The following IFFO2 variants were observed in gnomAD, a reference collection of about 807,000 sequenced individuals.
IFFO2 encodes intermediate filament family orphan 2.
A neutral mutation model predicts 53.5 loss-of-function variants in IFFO2; 19 were observed. The ratio of observed to expected loss-of-function variants is 0.36; its 90% confidence interval spans 0.25 to 0.52. IFFO2 has a LOEUF of 0.52. IFFO2 is among the 20% of genes least tolerant of loss of function. The pLI, the probability that IFFO2 is intolerant of heterozygous loss-of-function variation, is 0.94. For synonymous variants in IFFO2, 303 were observed against 313.6 expected (o/e 0.97, Z 0.36); for missense variants, 570 against 727.4 (o/e 0.78, Z 2.49).
intron 1 of IFFO2, among the ~76,000 whole-genome samples, chr1:18,944,383 G>T (rs1169120071): frequency 6.6e-6 from 1 of 152,142 alleles, no homozygotes; most frequent in Non-Finnish European, 1.5e-5. Context: ...GCGATCGGGG[G>T]CCGGGGCGGG....
intron 1 of IFFO2, among the ~76,000 whole-genome samples, chr1:18,950,210 G>A (rs892117646): frequency 3.9e-5 from 6 of 152,208 alleles, no homozygotes; most frequent in African/African-American, 9.7e-5. Context: ...AGAAGCAGCC[G>A]TTCTCCCTCC....
rs1936334168 is a variant in IFFO2 at position 18,928,646 on chromosome 1, C to T, written c.666-7525G>A. Among the ~76,000 whole-genome samples, 1 of 152,214 alleles carries T rather than the reference C, an allele frequency of 6.6e-6. No homozygotes were observed. The highest frequency in any genetic ancestry group is 1.5e-5 in the Non-Finnish European group (1 of 68,036). On this transcript the variant is annotated intron_variant, in intron 1 of 8. Transcript: ENST00000455833. This position sits in a 1 kb window ranked among gnomAD's most constrained non-coding sequence, Gnocchi z 4.9. ...GGGGAGAGGCAGAGGGGTCTGACAT[C>T]CATAGGGAAGTTCCCTGTGGAAGAG... is the stretch of plus-strand genomic sequence containing the variant.
rs911455789 is a variant in IFFO2 at position 18,919,238 on chromosome 1, C to T, written c.822+440G>A. On this transcript the variant is annotated intron_variant, in intron 3 of 8. Transcript: ENST00000455833. The surrounding 1 kb of genome is among the most constrained non-coding windows in gnomAD (Gnocchi z 4.9). Reference sequence around the variant, plus strand: ...CAAAAAGACACGCGCACTGGCCTTTCCTGACCTCATGGAGCAACCCTGCCA... The same window carrying T: ...CAAAAAGACACGCGCACTGGCCTTTTCTGACCTCATGGAGCAACCCTGCCA... 6.6e-6 allele frequency among the ~76,000 whole-genome samples: 1 copy of T among 152,204 alleles called. No individual in the cohort carries two copies. The highest frequency in any genetic ancestry group is 2.4e-5 in the African/African-American group (1 of 41,448).
intron 1 of IFFO2, among the ~76,000 whole-genome samples, chr1:18,949,136 C>T (rs185455791): frequency 5.4e-4 from 83 of 152,346 alleles, no homozygotes; most frequent in Admixed American, 1.1e-3. Flanking sequence ...AATCCCTGGA[C>T]GTGGTCTGTG....
chr1:18,917,245 G>A lies in IFFO2; in HGVS notation c.964-203C>T, dbSNP rs1001117542. Among the ~76,000 whole-genome samples, 4 of 152,176 alleles carry A rather than the reference G, an allele frequency of 2.6e-5. No homozygotes were observed. Among genetic ancestry groups the A allele is most frequent in the Non-Finnish European group, 4.4e-5 (3 of 68,030 alleles). On this transcript the variant is annotated intron_variant, in intron 4 of 8. Coordinates refer to ENST00000455833, the MANE Select transcript of IFFO2 (RefSeq NM_001136265.2). This position sits in a 1 kb window ranked among gnomAD's most constrained non-coding sequence, Gnocchi z 5.9. ...GGGAGACATGCAGGGGGACACAGAC[G>A]GCCTGGACTCTTCCCTGCCCTGGGC...
At position 18,919,665 on chromosome 1, in the gene IFFO2, G is replaced by A. The variant is rs769838679; in HGVS notation, c.822+13C>T. On this transcript the variant is annotated intron_variant, in intron 3 of 8. Transcript: ENST00000455833. This position sits in a 1 kb window ranked among gnomAD's most constrained non-coding sequence, Gnocchi z 4.9. Reference sequence around the variant, plus strand: ...GGAGGTCATGACACCCAGGGGCGGCGGGCGGCACTTACGTCACTCATAAGC... The same window carrying A: ...GGAGGTCATGACACCCAGGGGCGGCAGGCGGCACTTACGTCACTCATAAGC... 13 of 1,541,794 alleles carry A rather than the reference G, an allele frequency of 8.4e-6. No individual in the cohort carries two copies. In the Admixed American group the frequency reaches 1.4e-4, roughly 16 times the overall value.
At chr1:18,943,183 A>G (rs1307632702) in intron 1 of IFFO2, among the ~76,000 whole-genome samples, 1 of 152,080 alleles carries the variant, frequency 6.6e-6, no homozygotes, top group African/African-American at 2.4e-5. Context: ...CCCCGGCAAC[A>G]TAGCGAGACC....
intron 1 of IFFO2, among the ~76,000 whole-genome samples, chr1:18,924,631 C>T (rs1369424038): frequency 1.3e-5 from 2 of 152,326 alleles, no homozygotes; most frequent in African/African-American, 2.4e-5. Flanking sequence ...CGCCTGGATT[C>T]GAACCCAGGT....
chr1:18,932,203 TAC>T (rs936618098), intron 1 of IFFO2, among the ~76,000 whole-genome samples: 1 of 152,240 alleles, frequency 6.6e-6, no homozygotes, highest in African/African-American at 2.4e-5. Context: ...TGGAGGCTGC[TAC>T]AGTTTGTGAA....
At position 18,941,112 on chromosome 1, in the gene IFFO2, T is replaced by C. The variant is rs143820459; in HGVS notation, c.665+14556A>G. 3.7e-3 allele frequency among the ~76,000 whole-genome samples: 569 copies of C among 152,370 alleles called. 4 individuals carry two copies. The highest frequency in any genetic ancestry group is 0.013 in the African/African-American group (527 of 41,596). ...TGGCACGACTCAAAGTTTTCTCATC[T>C]GTACAATGGACATACCCACAGCCAC... On this transcript the variant is annotated intron_variant, in intron 1 of 8. Transcript: ENST00000455833.
rs143063052 is a variant in IFFO2, at chr1:18,947,105, A to T, written c.665+8563T>A. 1.8e-3 allele frequency among the ~76,000 whole-genome samples: 271 copies of T among 152,210 alleles called. 1 individual carries two copies. The highest frequency in any genetic ancestry group is 6.2e-3 in the African/African-American group (259 of 41,524). On this transcript the variant is annotated intron_variant, in intron 1 of 8. Transcript: ENST00000455833. The surrounding 1 kb of genome is among the most constrained non-coding windows in gnomAD (Gnocchi z 5.0). ...CAGCCACTGTTCTGAAACCACCACC[A>T]CTTTGGCTTCTCAGACATCCACACC...
intron 1 of IFFO2, among the ~76,000 whole-genome samples, chr1:18,935,038 T>C (rs570130291): frequency 6.6e-6 from 1 of 152,194 alleles, no homozygotes; most frequent in African/African-American, 2.4e-5. Flanking sequence ...TGTGACGTGT[T>C]AGAGAGAACG....
rs1353258536 is a variant in IFFO2 at position 18,907,438 on chromosome 1, A to G, written c.*1123T>C. On this transcript the variant is annotated 3_prime_UTR_variant, in exon 9 of 9. Coordinates refer to ENST00000455833, the MANE Select transcript of IFFO2 (RefSeq NM_001136265.2). Reference sequence around the variant, plus strand: ...CCTGCTTCTCTCCTGCCAGCAGCCAAAAGCAGGCAACTGCCGGACAGTCCT... The same window carrying G: ...CCTGCTTCTCTCCTGCCAGCAGCCAGAAGCAGGCAACTGCCGGACAGTCCT... 3 of 152,514 alleles carry G rather than the reference A, an allele frequency of 2.0e-5. No homozygotes were observed. Among genetic ancestry groups the G allele is most frequent in the African/African-American group, 7.2e-5 (3 of 41,456 alleles). 9.4% of individuals were successfully genotyped at this position (152,514 alleles called of 1,614,324 possible).
intron 1 of IFFO2, among the ~76,000 whole-genome samples, chr1:18,942,881 T>C: frequency 6.7e-6 from 1 of 148,324 alleles, no homozygotes; most frequent in Non-Finnish European, 1.5e-5. Flanking sequence ...TTCTGTCGCC[T>C]AGGCTGGAGT....
At chr1:18,913,433 A>G (rs945020928) in intron 5 of IFFO2, among the ~76,000 whole-genome samples, 1 of 152,234 alleles carries the variant, frequency 6.6e-6, no homozygotes, top group East Asian at 1.9e-4. Context: ...CAGCCGAGGG[A>G]CAGGAAGCTG....
rs1377819164 is a variant in IFFO2 at position 18,955,830 on chromosome 1, C to A, written c.503G>T (p.Arg168Leu). The A allele has an allele frequency of 6.6e-7, 1 of 1,516,994 alleles. No homozygotes were observed. Among genetic ancestry groups the A allele is most frequent in the South Asian group, 1.2e-5 (1 of 82,210 alleles). 94.0% of individuals were successfully genotyped at this position (1,516,994 alleles called of 1,614,324 possible). Residue 168 changes from arginine (R) to leucine (L), a missense_variant, in exon 1 of 9, where the codon CGG becomes CTG. Physicochemically the swap from Arg to Leu is moderately radical, Grantham distance 102. Coordinates refer to ENST00000455833, the MANE Select transcript of IFFO2 (RefSeq NM_001136265.2). ...CTCCACGCCGCCGCCGCCCGTGCGC[C>A]GCACCTGCGTGTAGCTCCAGATGGT... ...PGTIWSYTQV[R>L]RTGGGGVETV...
At chr1:18,930,732 C>G (rs1473704336) in intron 1 of IFFO2, among the ~76,000 whole-genome samples, 1 of 152,204 alleles carries the variant, frequency 6.6e-6, no homozygotes, top group Non-Finnish European at 1.5e-5. Flanking sequence ...TTTTGGGCAA[C>G]ATGGGGCCCA....
chr1:18,929,556 C>CCACCTGACATTCCCCT (rs1343889539), intron 1 of IFFO2, among the ~76,000 whole-genome samples: 1 of 152,146 alleles, frequency 6.6e-6, no homozygotes, highest in Non-Finnish European at 1.5e-5. Context: ...TCACATTCCC[C>CCACCTGACATTCCCCT]CACCTGACAT....
intron 1 of IFFO2, among the ~76,000 whole-genome samples, chr1:18,940,933 G>A (rs1936512426): frequency 6.6e-6 from 1 of 152,106 alleles, no homozygotes; most frequent in Admixed American, 6.5e-5. Flanking sequence ...CTGATTCCAG[G>A]GTATCTTGGC....
Sources: gnomAD v4.1 joint callset for allele counts (sites outside exome capture counted in the v4.1 genomes callset) on GRCh38, gnomAD v4.1.1 for gene constraint, Gnocchi (gnomAD v3.1) non-coding constraint, MANE v1.5 for transcripts, NCBI Gene and HGNC (gene_info 2026-07-23, HGNC 2026-07-21) for gene names.